Variants in PPP1R42 observed in about 807,000 individuals in gnomAD.
The protein encoded by PPP1R42 is leucine rich repeat containing 67.
PPP1R42 carries 34 observed loss-of-function variants against 31.0 expected under a neutral mutation model. The observed-to-expected ratio is 1.10, with a 90% CI of 0.83 to 1.46. PPP1R42 has a LOEUF of 1.46. PPP1R42 is among the 40% of genes most tolerant of loss of function. The probability of loss-of-function intolerance (pLI) is 0.00; values close to 1 mark genes in which losing one functional copy is unlikely to be tolerated. For synonymous variants in PPP1R42, 103 were observed against 109.8 expected (o/e 0.94, Z 0.39); for missense variants, 268 against 303.0 (o/e 0.88, Z 0.86).
Position 67,010,820 on chromosome 8 carries a change from A to G in PPP1R42, c.447T>C (p.Cys149=), listed in dbSNP as rs759822102. 4 of 1,586,790 alleles carry G rather than the reference A, an allele frequency of 2.5e-6. No individual in the cohort carries two copies. The South Asian group carries it at 4.7e-5, about 19-fold the overall frequency. ...TATTATTATTGCTGATATTCAATAT[A>G]CAGAGGGATTTCTGTAAGAAAAATA... ...RTLHSLAKSL[C]ILNISNNNID... is the part of the protein sequence containing the mutation. Residue 149 remains cysteine, a synonymous_variant, in exon 5 of 8, where the codon TGT becomes TGC. Coordinates refer to ENST00000685739, the MANE Select transcript of PPP1R42 (RefSeq NM_001364910.1).
intron 7 of PPP1R42, among the ~76,000 whole-genome samples, chr8:66,974,000 A>G (rs975267235): frequency 6.6e-6 from 1 of 152,200 alleles, no homozygotes; most frequent in African/African-American, 2.4e-5. Flanking sequence ...ATGTCCATGT[A>G]CCTTGTTTCC....
intron 7 of PPP1R42, among the ~76,000 whole-genome samples, chr8:66,965,644 G>A (rs573740154): frequency 1.3e-5 from 2 of 152,140 alleles, no homozygotes; most frequent in African/African-American, 4.8e-5. Context: ...AAACTGGCTG[G>A]ATACAGTGGT....
chr8:66,984,715 A>C (rs2130927173), intron 6 of PPP1R42: 1 of 1,601,664 alleles, frequency 6.2e-7, no homozygotes, highest in Non-Finnish European at 8.5e-7. Flanking sequence ...TCTTTTTGCC[A>C]TCTGAGCTGT....
intron 2 of PPP1R42, 139 bp downstream of exon 2, chr8:67,017,480 G>T: frequency 4.9e-6 from 2 of 404,052 alleles, no homozygotes; most frequent in Non-Finnish European, 4.1e-6. Context: ...GGCAACAGAC[G>T]GAGAGAGACT....
chr8:66,997,221 T>C (rs1815358999), intron 5 of PPP1R42, among the ~76,000 whole-genome samples: 1 of 152,218 alleles, frequency 6.6e-6, no homozygotes, highest in Admixed American at 6.5e-5. Flanking sequence ...GGCCACCCTA[T>C]GTCAATGCCA....
At chr8:66,997,967 T>G (rs1815381274) in intron 5 of PPP1R42, among the ~76,000 whole-genome samples, 1 of 152,144 alleles carries the variant, frequency 6.6e-6, no homozygotes. Flanking sequence ...AATGTATAGA[T>G]CAATTGAAAA....
At chr8:66,980,299 T>A (rs1156306392) in intron 7 of PPP1R42, among the ~76,000 whole-genome samples, 2 of 152,066 alleles carry the variant, frequency 1.3e-5, no homozygotes, top group Non-Finnish European at 2.9e-5. Context: ...ACAATCATGC[T>A]CACTACAGCC....
intron 1 of PPP1R42, among the ~76,000 whole-genome samples, chr8:67,024,365 G>A (rs1198483485): frequency 1.3e-5 from 2 of 152,096 alleles, no homozygotes; most frequent in Non-Finnish European, 2.9e-5. Flanking sequence ...TCAGGCTGGA[G>A]TACAGTGGTG....
chr8:67,007,415 T>C (rs1815719812), intron 5 of PPP1R42, among the ~76,000 whole-genome samples: 1 of 152,108 alleles, frequency 6.6e-6, no homozygotes, highest in South Asian at 2.1e-4. Flanking sequence ...CAGGCTGGAG[T>C]GCAGTGGCAC....
At chr8:67,019,557 G>T (rs1296147388) in intron 1 of PPP1R42, among the ~76,000 whole-genome samples, 7 of 151,668 alleles carry the variant, frequency 4.6e-5, no homozygotes. Context: ...TCTTTTAAAG[G>T]ATTATTATTC....
At chr8:67,008,782 G>A (rs969891990) in intron 5 of PPP1R42, among the ~76,000 whole-genome samples, 1 of 152,056 alleles carries the variant, frequency 6.6e-6, no homozygotes, top group Admixed American at 6.5e-5. Context: ...ATTTATTTTG[G>A]CTGCACATTT....
chr8:66,981,140 C>T (rs1814821037), intron 7 of PPP1R42, among the ~76,000 whole-genome samples: 1 of 152,056 alleles, frequency 6.6e-6, no homozygotes. Context: ...CCGTGCCCCG[C>T]CAGACTAGTC....
chr8:67,011,008 T>G (rs1815828134), intron 4 of PPP1R42, among the ~76,000 whole-genome samples, 177 bp from the exon 5 acceptor site: 1 of 151,970 alleles, frequency 6.6e-6, no homozygotes, highest in Non-Finnish European at 1.5e-5. Flanking sequence ...CAGATGAAAG[T>G]TTTAGAACCA....
chr8:67,016,775 G>A (rs1816028451), intron 2 of PPP1R42, among the ~76,000 whole-genome samples: 1 of 152,112 alleles, frequency 6.6e-6, no homozygotes, highest in African/African-American at 2.4e-5. Flanking sequence ...TTCTTTAGTG[G>A]TGAGTTCTGA....
chr8:67,014,150 A>G (rs1465402293), intron 3 of PPP1R42, among the ~76,000 whole-genome samples: 1 of 152,218 alleles, frequency 6.6e-6, no homozygotes, highest in Non-Finnish European at 1.5e-5. Flanking sequence ...AATGAAAAGT[A>G]TATCAGGCTT....
chr8:66,969,117 CAGTGTACTCCT>C (rs1563411707), intron 7 of PPP1R42, among the ~76,000 whole-genome samples: 2 of 152,168 alleles, frequency 1.3e-5, no homozygotes, highest in Non-Finnish European at 1.5e-5. Context: ...GATGTTTTAT[CAGTGTACTCCT>C]AGTGACTTGA....
intron 1 of PPP1R42, among the ~76,000 whole-genome samples, chr8:67,024,755 G>T (rs1205379370): frequency 6.6e-6 from 1 of 151,802 alleles, no homozygotes; most frequent in Non-Finnish European, 1.5e-5. Context: ...GGGATTACAG[G>T]CGTGAGCCAC....
At chr8:66,998,677 G>A (rs924056927) in intron 5 of PPP1R42, among the ~76,000 whole-genome samples, 1 of 152,122 alleles carries the variant, frequency 6.6e-6, no homozygotes, top group African/African-American at 2.4e-5. Context: ...ATGTTGTTAT[G>A]TAGATTTTAT....
chr8:67,023,988 CA>C (rs1285770303), intron 1 of PPP1R42, among the ~76,000 whole-genome samples: 2 of 151,180 alleles, frequency 1.3e-5, no homozygotes, highest in Admixed American at 6.6e-5. Flanking sequence ...ACTAAAAATA[CA>C]AAAAAAATTA....
Sources: allele counts gnomAD v4.1 joint callset (sites outside exome capture counted in the v4.1 genomes callset), GRCh38; gene constraint gnomAD v4.1.1; transcripts MANE v1.5; gene names NCBI Gene and HGNC (gene_info 2026-07-23, HGNC 2026-07-21).